UTP14A: variants seen among roughly 807,000 people sequenced by gnomAD.
UTP14A encodes the protein U3 small nucleolar RNA-associated protein 14 homolog A.
UTP14A carries 5 observed loss-of-function variants against 57.2 expected under a neutral mutation model. The observed-to-expected ratio is 0.09, with a 90% CI of 0.05 to 0.18. The LOEUF (loss-of-function observed/expected upper bound fraction) is 0.18. UTP14A is among the 10% of genes least tolerant of loss of function. The pLI is 1.00. For missense variants in UTP14A, 430 were observed against 562.1 expected (o/e 0.76, Z 2.38); for synonymous variants, 169 against 210.9 (o/e 0.80, Z 1.72).
At chrX:129,909,601 G>T (rs182225023) in intron 4 of UTP14A, among the ~76,000 whole-genome samples, 150 of 111,603 alleles carry the variant, frequency 1.3e-3, no homozygotes, top group African/African-American at 4.7e-3. Flanking sequence ...GGACAGAGTT[G>T]AGCCTTGGAG....
chrX:129,921,631 G>A (rs777572205), intron 11 of UTP14A, 44 bp downstream of exon 11: 21 of 1,162,690 alleles, frequency 1.8e-5, no homozygotes, highest in Non-Finnish European at 2.4e-5. Flanking sequence ...TAGTGCTGTG[G>A]ACAGACTATG....
chrX:129,927,692 A>G (rs1246218351), intron 14 of UTP14A, among the ~76,000 whole-genome samples: 1 of 111,458 alleles, frequency 9.0e-6, no homozygotes, highest in Non-Finnish European at 1.9e-5. Context: ...TTATTAGCAG[A>G]GACAGGGTTT....
intron 6 of UTP14A, among the ~76,000 whole-genome samples, chrX:129,918,391 G>GAA (rs1445525271): frequency 4.7e-5 from 1 of 21,482 alleles, no homozygotes; most frequent in Admixed American, 5.5e-4. Context: ...CTCTGTCTCA[G>GAA]AAAACAAAAA....
At chrX:129,923,050 T>C (rs751752900) in intron 11 of UTP14A, 7 of 111,928 alleles carry the variant, frequency 6.3e-5, no homozygotes, top group African/African-American at 2.3e-4. Flanking sequence ...AGTAAATAAA[T>C]TGAATTTTCT....
chrX:129,925,746 G>C (rs1203632149), intron 12 of UTP14A, among the ~76,000 whole-genome samples, 173 bp from the exon 13 acceptor site: 2 of 112,265 alleles, frequency 1.8e-5, no homozygotes, highest in African/African-American at 6.5e-5. Flanking sequence ...ATTTACCCTA[G>C]AGGGAAGAAA....
At chrX:129,915,872 G>A (rs1929669387) in intron 6 of UTP14A, among the ~76,000 whole-genome samples, 1 of 109,205 alleles carries the variant, frequency 9.2e-6, no homozygotes, top group Non-Finnish European at 1.9e-5. Flanking sequence ...CTCCCCTCTA[G>A]CTTCTGTGAT....
chrX:129,910,173 T>G (rs1929411876), intron 4 of UTP14A, among the ~76,000 whole-genome samples: 1 of 111,521 alleles, frequency 9.0e-6, no homozygotes, highest in Non-Finnish European at 1.9e-5. Flanking sequence ...GCACAAAGGC[T>G]CTAAGGTAGA....
At position 129,919,172 on chromosome X, in the gene UTP14A, A is replaced by T. The variant is rs373085338; in HGVS notation, c.538-3A>T. 4.0e-4 allele frequency: 480 copies of T among 1,209,970 alleles called. No homozygotes were observed. The highest frequency in any genetic ancestry group is 5.1e-4 in the Non-Finnish European group (457 of 895,248). On this transcript the variant is annotated splice_polypyrimidine_tract_variant and splice_region_variant and intron_variant, in intron 6 of 14. Coordinates refer to ENST00000394422, the MANE Select transcript of UTP14A (RefSeq NM_006649.4). Reference sequence around the variant, plus strand: ...ACTCAGAATGTTTTGTTGCTTCTTTAAGGCAAGAACTCCCCTGGAGCAGGA... The same window carrying T: ...ACTCAGAATGTTTTGTTGCTTCTTTTAGGCAAGAACTCCCCTGGAGCAGGA...
At chrX:129,906,663 G>A in intron 1 of UTP14A, among the ~76,000 whole-genome samples, 1 of 29,952 alleles carries the variant, frequency 3.3e-5, no homozygotes, top group African/African-American at 1.1e-4. Context: ...CCCCCACCCC[G>A]CCCCCGGAAC....
chrX:129,913,716 C>T (rs1327124237), intron 6 of UTP14A, among the ~76,000 whole-genome samples: 2 of 112,398 alleles, frequency 1.8e-5, no homozygotes, highest in Non-Finnish European at 3.8e-5. Context: ...TGTGGTGGCT[C>T]ACGCCTGTAA....
At chrX:129,924,220 C>T (rs746884227) in intron 11 of UTP14A, among the ~76,000 whole-genome samples, 1 of 110,458 alleles carries the variant, frequency 9.1e-6, no homozygotes, top group Non-Finnish European at 1.9e-5. Flanking sequence ...TATCCTGCCC[C>T]CTTGGCCTCC....
chrX:129,925,799 C>T, intron 12 of UTP14A, 120 bp from the exon 13 acceptor site: 4 of 879,284 alleles, frequency 4.5e-6, no homozygotes, highest in Non-Finnish European at 6.4e-6. Flanking sequence ...ATCGCAAGAC[C>T]ATCATTGTTC....
chrX:129,907,163 G>A (rs1218908553), intron 1 of UTP14A, among the ~76,000 whole-genome samples: 1 of 110,658 alleles, frequency 9.0e-6, no homozygotes, highest in Non-Finnish European at 1.9e-5. Context: ...AGGCATTCAC[G>A]CTGCTTTATA....
intron 4 of UTP14A, 124 bp downstream of exon 4, chrX:129,908,858 G>A (rs1479142390): frequency 3.0e-5 from 19 of 623,943 alleles, no homozygotes; most frequent in African/African-American, 4.4e-5. Context: ...TAAATACCTG[G>A]GAGAGTGGGT....
rs1302957234 is a variant in UTP14A, at chrX:129,909,756, T to C, written c.238+1022T>C. ...CGGCAGCCATGGGATTTTATCCTAA[T>C]ACTGAGTCTAGATGCCAAATCTTTT... On this transcript the variant is annotated intron_variant, in intron 4 of 14. Transcript: ENST00000394422. Among the ~76,000 whole-genome samples, 4 of 112,234 alleles carry C rather than the reference T, an allele frequency of 3.6e-5. No homozygotes were observed. In the East Asian group the frequency reaches 1.1e-3, roughly 31 times the overall value.
At position 129,925,179 on chromosome X, in the gene UTP14A, C is replaced by T; in HGVS notation, c.1733C>T (p.Pro578Leu). The T allele has an allele frequency of 8.3e-7, 1 of 1,208,945 alleles. No homozygotes were observed. Among genetic ancestry groups the T allele is most frequent in the Non-Finnish European group, 1.1e-6 (1 of 894,313 alleles). Residue 578 changes from proline to leucine, a missense_variant, in exon 12 of 15, where the codon CCC becomes CTC. Transcript: ENST00000394422. ...QSPSVKSLAV[P>L]TIEELEDEEE... Reference sequence around the variant, plus strand: ...CCCTCCGTGAAGTCTTTGGCAGTTCCCACAATAGAGGAGCTGGTGAGCAGA... The same window carrying T: ...CCCTCCGTGAAGTCTTTGGCAGTTCTCACAATAGAGGAGCTGGTGAGCAGA...
intron 6 of UTP14A, among the ~76,000 whole-genome samples, chrX:129,916,969 T>C (rs963465816): frequency 5.4e-5 from 6 of 111,659 alleles, no homozygotes; most frequent in Admixed American, 9.5e-5. Context: ...CCTCTGTGAT[T>C]ACCCCTATAG....
Position 129,911,022 on chromosome X carries a change from C to T in UTP14A, c.253C>T (p.Leu85=). Residue 85 remains leucine (L), a synonymous_variant, in exon 5 of 15, where the codon CTG becomes TTG. Transcript: ENST00000394422. ...NVSSEGSGEK[L]VLADLLEPVK... is the part of the protein sequence containing the mutation. ...CCTTTCCACAGGATCAGGAGAAAAG[C>T]TGGTCCTTGCAGATCTGCTTGAGCC... is the stretch of plus-strand genomic sequence containing the variant. 8.3e-7 allele frequency: 1 copy of T among 1,211,165 alleles called. No homozygotes were observed. Among genetic ancestry groups the T allele is most frequent in the African/African-American group, 1.7e-5 (1 of 57,801 alleles).
intron 2 of UTP14A, 66 bp from the exon 3 acceptor site, chrX:129,907,994 A>G (rs1602995861): frequency 8.8e-6 from 8 of 907,875 alleles, no homozygotes; most frequent in East Asian, 3.1e-5. Context: ...TTTACATGAG[A>G]CTCAATTTCC....
Sources: gnomAD v4.1 joint callset for allele counts (sites outside exome capture counted in the v4.1 genomes callset) on GRCh38, gnomAD v4.1.1 for gene constraint, MANE v1.5 for transcripts, NCBI Gene and HGNC (gene_info 2026-07-23, HGNC 2026-07-21) for gene names.